Variants in CFAP251 observed in about 807,000 individuals in gnomAD.
CFAP251 encodes cilia- and flagella-associated protein 251.
A neutral mutation model predicts 126.7 loss-of-function variants in CFAP251; 93 were observed. The observed-to-expected ratio is 0.73, with a 90% CI of 0.62 to 0.87. The LOEUF (loss-of-function observed/expected upper bound fraction) is 0.87. CFAP251 is among the 40% of genes least tolerant of loss of function. The pLI is 0.00. For missense variants in CFAP251, 1,287 were observed against 1,389.2 expected, an observed-to-expected ratio of 0.93 and a Z score of 1.17; for synonymous variants, 503 against 506.9, an observed-to-expected ratio of 0.99 and a Z score of 0.10.
intron 19 of CFAP251, among the ~76,000 whole-genome samples, chr12:121,994,404 C>G: frequency 1.1e-5 from 1 of 93,926 alleles, no homozygotes; most frequent in African/African-American, 3.9e-5. Flanking sequence ...CCGGCCGCCC[C>G]TACTGGGAAG....
intron 19 of CFAP251, chr12:121,998,432 AATATATATATATATAT>A (rs71082926): frequency 2.4e-3 from 203 of 85,624 alleles, no homozygotes; most frequent in East Asian, 3.2e-3. Flanking sequence ...TTTTTAGTGT[AATATATATATATATAT>A]ATATATATAT....
chr12:121,951,557 C>T lies in CFAP251; in HGVS notation c.1320+27C>T, dbSNP rs1239823141. 5.8e-6 allele frequency: 9 copies of T among 1,553,880 alleles called. No individual in the cohort carries two copies. The Admixed American group carries it at 8.5e-5, about 15-fold the overall frequency. The stretch of plus-strand genomic sequence containing the variant: ...TGAGTATGCCTATTGCATTTTTGTC[C>T]ATCAGATTTTGTGGAGAATAAATAT... On this transcript the variant is annotated intron_variant, in intron 9 of 21. Transcript: ENST00000288912.
chr12:121,992,297 G>A (rs993605895), intron 19 of CFAP251: 44 of 985,330 alleles, frequency 4.5e-5, no homozygotes, highest in Middle Eastern at 5.2e-4. Flanking sequence ...CACTTGCGAA[G>A]TCGGCTCAGG....
At position 121,971,369 on chromosome 12, in the gene CFAP251, G is replaced by A. The variant is rs963853064; in HGVS notation, c.2771+3200G>A. On this transcript the variant is annotated intron_variant, in intron 17 of 21. Coordinates refer to ENST00000288912, the MANE Select transcript of CFAP251 (RefSeq NM_144668.6). ...GGTTCCTCAGACCTTAAGCCAGTCC[G>A]TGGGCTTGTGCATGCCTCAGTGAGA... Among the ~76,000 whole-genome samples, 24 of 152,342 alleles carry A rather than the reference G, an allele frequency of 1.6e-4. No homozygotes were observed. The East Asian group carries it at 3.5e-3, about 22-fold the overall frequency.
intron 2 of CFAP251, among the ~76,000 whole-genome samples, chr12:121,922,168 C>T (rs1307545265): frequency 6.9e-6 from 1 of 145,788 alleles, no homozygotes; most frequent in African/African-American, 2.6e-5. Flanking sequence ...AGTGCAATGG[C>T]GTGATCTCGG....
intron 15 of CFAP251, 74 bp downstream of exon 15, chr12:121,962,236 C>CAA: frequency 7.1e-7 from 1 of 1,399,966 alleles, no homozygotes; most frequent in Non-Finnish European, 9.9e-7. Flanking sequence ...CAGGTCTCCA[C>CAA]ATAGGGACCT....
At chr12:121,967,971 T>C in intron 16 of CFAP251, 35 bp from the exon 17 acceptor site, 2 of 1,574,444 alleles carry the variant, frequency 1.3e-6, no homozygotes, top group Non-Finnish European at 1.7e-6. Flanking sequence ...CCCAGCTACC[T>C]GAGTCTGAAT....
chr12:121,920,191 A>G (rs954727098), intron 1 of CFAP251, among the ~76,000 whole-genome samples: 10 of 145,276 alleles, frequency 6.9e-5, no homozygotes, highest in Admixed American at 1.4e-4. Context: ...TCTCAAGAGA[A>G]AAAAAAAAAA....
chr12:121,953,372 G>A (rs894657195), intron 9 of CFAP251: 1 of 152,254 alleles, frequency 6.6e-6, no homozygotes, highest in African/African-American at 2.4e-5. Flanking sequence ...TGCATGTTGA[G>A]TGAGTAAAAT....
At chr12:121,992,377 C>T (rs1882896289) in intron 19 of CFAP251, 2 of 985,130 alleles carry the variant, frequency 2.0e-6, no homozygotes, top group African/African-American at 3.5e-5. Flanking sequence ...ATCAGTCATA[C>T]GGGAAGAGAG....
At chr12:121,987,773 A>G (rs549448573) in intron 19 of CFAP251, among the ~76,000 whole-genome samples, 97 of 151,992 alleles carry the variant, frequency 6.4e-4, no homozygotes, top group Non-Finnish European at 5.4e-4. Flanking sequence ...ATTCTGGGAA[A>G]GTGAGGCCTA....
At chr12:121,968,641 AAT>A (rs149624148) in intron 17 of CFAP251, among the ~76,000 whole-genome samples, 2,334 of 152,182 alleles carry the variant, frequency 0.015, 68 homozygotes, top group African/African-American at 0.053. Flanking sequence ...TGAAAGGGAT[AAT>A]ATGAGTTTGA....
At chr12:121,961,237 T>C (rs1881924053) in intron 14 of CFAP251, among the ~76,000 whole-genome samples, 1 of 151,630 alleles carries the variant, frequency 6.6e-6, no homozygotes, top group African/African-American at 2.4e-5. Flanking sequence ...TGTTTTTCCT[T>C]CCTCCCTCCC....
At chr12:121,953,023 A>T (rs187347151) in intron 9 of CFAP251, 2 of 152,184 alleles carry the variant, frequency 1.3e-5, no homozygotes, top group East Asian at 3.8e-4. Context: ...TTTTATGTGT[A>T]TTTCTATTTA....
chr12:121,965,989 T>C (rs1882107100), intron 15 of CFAP251, among the ~76,000 whole-genome samples: 1 of 151,772 alleles, frequency 6.6e-6, no homozygotes. Context: ...GAAACTACTA[T>C]GTTGCCCAGG....
intron 17 of CFAP251, among the ~76,000 whole-genome samples, chr12:121,973,703 G>T (rs759509953): frequency 2.1e-4 from 32 of 152,286 alleles, no homozygotes; most frequent in South Asian, 4.1e-4. Context: ...TTTAAGATTT[G>T]ACTGCCCTCC....
chr12:121,971,234 G>A (rs1359657205), intron 17 of CFAP251, among the ~76,000 whole-genome samples: 1 of 152,234 alleles, frequency 6.6e-6, no homozygotes, highest in African/African-American at 2.4e-5. Context: ...CTCTCAGCTG[G>A]ACACTTGCCT....
chr12:121,978,080 A>G (rs1221626975), intron 19 of CFAP251, among the ~76,000 whole-genome samples: 1 of 151,784 alleles, frequency 6.6e-6, no homozygotes, highest in Admixed American at 6.6e-5. Context: ...GTGTATCATA[A>G]GTATTTTCCA....
chr12:121,977,378 C>G (rs1882486505), intron 19 of CFAP251, among the ~76,000 whole-genome samples: 1 of 152,144 alleles, frequency 6.6e-6, no homozygotes, highest in African/African-American at 2.4e-5. Flanking sequence ...AACTAATTGG[C>G]CTTGGCGCAG....
Sources: gnomAD v4.1 joint callset for allele counts (sites outside exome capture counted in the v4.1 genomes callset) on GRCh38, gnomAD v4.1.1 for gene constraint, MANE v1.5 for transcripts, NCBI Gene and HGNC (gene_info 2026-07-23, HGNC 2026-07-21) for gene names.